EPRS1: variants seen among roughly 807,000 people sequenced by gnomAD.
The protein encoded by EPRS1 is glutamyl-prolyl-tRNA synthetase 1.
EPRS1 carries 107 observed loss-of-function variants against 188.3 expected under a neutral mutation model. The ratio of observed to expected loss-of-function variants is 0.57; its 90% confidence interval spans 0.49 to 0.67. EPRS1 has a LOEUF of 0.67. Among genes scored for constraint, EPRS1 ranks in the 30% least tolerant of loss-of-function variants. The probability of loss-of-function intolerance (pLI) is 0.00; values close to 1 mark genes in which losing one functional copy is unlikely to be tolerated. For missense variants in EPRS1, 1,577 were observed against 1,802.2 expected, an observed-to-expected ratio of 0.88 and a Z score of 2.26; for synonymous variants, 596 against 593.1, an observed-to-expected ratio of 1.00 and a Z score of -0.07.
rs144201093 is a variant in EPRS1, at chr1:219,978,466, C to T, written c.4083+80G>A. 2,714 of 1,132,668 alleles carry T rather than the reference C, an allele frequency of 2.4e-3. 11 individuals are homozygous for T. Among genetic ancestry groups the T allele is most frequent in the Non-Finnish European group, 3.0e-3 (2,447 of 803,844 alleles). 70.2% of individuals were successfully genotyped at this position (1,132,668 alleles called of 1,614,324 possible). On this transcript the variant is annotated intron_variant, in intron 28 of 31. Coordinates refer to ENST00000366923, the MANE Select transcript of EPRS1 (RefSeq NM_004446.3). Reference sequence around the variant, plus strand: ...AATAGAGGAAAGTAATGAGAAACCTCGTTTTATAAAAACATGCAGAGGAAA... The same window carrying T: ...AATAGAGGAAAGTAATGAGAAACCTTGTTTTATAAAAACATGCAGAGGAAA...
At chr1:220,011,775 G>A (rs1039354791) in intron 12 of EPRS1, among the ~76,000 whole-genome samples, 1 of 152,100 alleles carries the variant, frequency 6.6e-6, no homozygotes, top group Non-Finnish European at 1.5e-5. Flanking sequence ...TCCCCTTCTG[G>A]AGCTGATGTA....
chr1:219,997,248 A>ACAGC lies in EPRS1; in HGVS notation c.2272_2275dup (p.Val759GlyfsTer9). 1 of 1,612,464 alleles carries ACAGC rather than the reference A, an allele frequency of 6.2e-7. No individual in the cohort carries two copies. The highest frequency in any genetic ancestry group is 8.5e-7 in the Non-Finnish European group (1 of 1,179,576). Reference sequence around the variant, plus strand: ...TAATTCACGAACCACATCTCCTTGAACAGCCACTCTATTGTAAAGGACCAA... The same window carrying ACAGC: ...TAATTCACGAACCACATCTCCTTGAACAGCCAGCCACTCTATTGTAAAGGACCAA... On this transcript the variant is annotated frameshift_variant, in exon 18 of 32. Transcript: ENST00000366923. LOFTEE classifies it high-confidence loss of function.
intron 13 of EPRS1, among the ~76,000 whole-genome samples, chr1:220,008,994 A>G (rs1299097546): frequency 6.6e-6 from 1 of 152,162 alleles, no homozygotes; most frequent in Non-Finnish European, 1.5e-5. Context: ...AAACTATCAG[A>G]CCACAACTGT....
chr1:220,040,182 T>G lies in EPRS1; in HGVS notation c.131+3A>C. ...CTGAAAATAAAAAGATGAAAACACT[T>G]ACTCAGAAACATGAAGAATATTCTC... On this transcript the variant is annotated splice_donor_region_variant and intron_variant, in intron 2 of 31. Transcript: ENST00000366923. 6.3e-7 allele frequency: 1 copy of G among 1,579,510 alleles called. No individual in the cohort carries two copies. The highest frequency in any genetic ancestry group is 8.7e-7 in the Non-Finnish European group (1 of 1,153,582).
At chr1:220,046,065 G>C (rs1181874167) in intron 1 of EPRS1, among the ~76,000 whole-genome samples, 2 of 152,206 alleles carry the variant, frequency 1.3e-5, no homozygotes, top group East Asian at 3.8e-4. Flanking sequence ...ATCCCTCTGA[G>C]AAAAAGATCC....
At chr1:219,998,547 A>T (rs1423596549) in intron 17 of EPRS1, among the ~76,000 whole-genome samples, 1 of 142,976 alleles carries the variant, frequency 7.0e-6, no homozygotes, top group Non-Finnish European at 1.5e-5. Context: ...GTTCAGCTAC[A>T]TTTTTTTTTT....
At chr1:219,985,559 T>C (rs565690576) in intron 20 of EPRS1, among the ~76,000 whole-genome samples, 2 of 151,830 alleles carry the variant, frequency 1.3e-5, no homozygotes, top group Non-Finnish European at 2.9e-5. Context: ...TGTGCCACCA[T>C]TCCTGGTTAA....
At chr1:219,976,830 T>C (rs1028342129) in intron 28 of EPRS1, among the ~76,000 whole-genome samples, 1 of 152,238 alleles carries the variant, frequency 6.6e-6, no homozygotes, top group Non-Finnish European at 1.5e-5. Flanking sequence ...ACAGTTTTTT[T>C]CTAAAACTAG....
Position 219,973,368 on chromosome 1 carries a change from G to T in EPRS1, c.4114C>A (p.Arg1372Ser). The change falls in exon 29 of 32, where the codon CGT becomes AGT. Residue 1372 changes from arginine to serine, a missense_variant. Physicochemically the swap from Arg to Ser is moderately radical, Grantham distance 110. Transcript: ENST00000366923. ...GVPIRLEVGP[R>S]DMKSCQFVAV... ...ACAAACTGACAGCTCTTCATATCACGTGGCCCAACTTCAAGTCTAATGGGA... is the reference window on the plus strand; with the variant it reads ...ACAAACTGACAGCTCTTCATATCACTTGGCCCAACTTCAAGTCTAATGGGA... 1 of 1,611,704 alleles carries T rather than the reference G, an allele frequency of 6.2e-7. No homozygotes were observed. Among genetic ancestry groups the T allele is most frequent in the South Asian group, 1.1e-5 (1 of 90,886 alleles).
intron 2 of EPRS1, among the ~76,000 whole-genome samples, chr1:220,037,313 T>C (rs770905699): frequency 7.9e-5 from 12 of 152,048 alleles, no homozygotes; most frequent in Non-Finnish European, 1.5e-4. Flanking sequence ...CAGACCAGCC[T>C]GGACAACATA....
chr1:219,985,729 A>G (rs1660994839), intron 20 of EPRS1, among the ~76,000 whole-genome samples: 1 of 152,178 alleles, frequency 6.6e-6, no homozygotes, highest in Non-Finnish European at 1.5e-5. Context: ...TAACTAGAAT[A>G]AAAGTTGCAG....
At chr1:220,046,242 G>T in intron 1 of EPRS1, 101 bp downstream of exon 1, 3 of 1,419,160 alleles carry the variant, frequency 2.1e-6, no homozygotes, top group East Asian at 4.6e-5. Flanking sequence ...CATCCCAGAT[G>T]GTGACCACCA....
At chr1:219,998,008 C>A (rs536248007) in intron 17 of EPRS1, among the ~76,000 whole-genome samples, 1 of 152,106 alleles carries the variant, frequency 6.6e-6, no homozygotes, top group Non-Finnish European at 1.5e-5. Context: ...TCACTAAAAT[C>A]AACCCTGAAG....
intron 29 of EPRS1, 53 bp from the exon 30 acceptor site, chr1:219,972,200 A>C: frequency 8.5e-7 from 1 of 1,178,640 alleles, no homozygotes; most frequent in Non-Finnish European, 1.2e-6. Flanking sequence ...AATATGACAA[A>C]GTTTTATGAA....
At chr1:220,037,064 C>T (rs892878133) in intron 2 of EPRS1, among the ~76,000 whole-genome samples, 3 of 151,504 alleles carry the variant, frequency 2.0e-5, no homozygotes, top group African/African-American at 7.3e-5. Context: ...CATGTTGGTA[C>T]ACACCTGTAG....
At chr1:219,972,483 T>C (rs1660688148) in intron 29 of EPRS1, among the ~76,000 whole-genome samples, 1 of 152,198 alleles carries the variant, frequency 6.6e-6, no homozygotes. Context: ...CTCCCTGGTC[T>C]TAAATATTTC....
intron 6 of EPRS1, 70 bp downstream of exon 6, chr1:220,030,316 T>A: frequency 1.0e-6 from 1 of 955,932 alleles, no homozygotes; most frequent in Non-Finnish European, 1.7e-6. Flanking sequence ...ATACTTTAAG[T>A]ATTTAATCAC....
intron 16 of EPRS1, among the ~76,000 whole-genome samples, chr1:220,003,330 G>C (rs566865017): frequency 6.6e-6 from 1 of 152,106 alleles, no homozygotes. Flanking sequence ...AGTCCTTTAA[G>C]AGACATATGT....
rs764366287 is a variant in EPRS1, at chr1:220,006,088, G to C, written c.1950+18C>G. ...AGGAAAATTTAAAAGGTGAAATATG[G>C]TTTCTTTGGAAGGTTACCTTACTGT... On this transcript the variant is annotated intron_variant, in intron 15 of 31. Coordinates refer to ENST00000366923, the MANE Select transcript of EPRS1 (RefSeq NM_004446.3). The C allele has an allele frequency of 1.4e-5, 20 of 1,429,690 alleles. No individual in the cohort carries two copies. In the African/African-American group the frequency reaches 2.7e-4, roughly 19 times the overall value. The allele number at this position is 1,429,690 out of a possible 1,614,324, so 88.6% of individuals were successfully genotyped here. A position where few individuals can be genotyped will look rare whatever the true frequency, so the allele number is the denominator to read the frequency against.
Sources: allele counts gnomAD v4.1 joint callset (sites outside exome capture counted in the v4.1 genomes callset), GRCh38; gene constraint gnomAD v4.1.1; transcripts MANE v1.5; gene names NCBI Gene and HGNC (gene_info 2026-07-23, HGNC 2026-07-21).